Variants in SLC2A9 observed in about 807,000 individuals in gnomAD.
SLC2A9 encodes the protein solute carrier family 2 member 9, also known as solute carrier family 2, facilitated glucose transporter member 9.
SLC2A9 carries 39 observed loss-of-function variants against 50.6 expected under a neutral mutation model. That is an observed-to-expected ratio of 0.77 (90% CI 0.60 to 1.01). The LOEUF is 1.01. Among genes scored for constraint, SLC2A9 ranks in the 50% least tolerant of loss-of-function variants. The pLI is 0.00. For synonymous variants in SLC2A9, 324 were observed against 276.9 expected (o/e 1.17, Z -1.69); for missense variants, 686 against 677.6 (o/e 1.01, Z -0.14).
At chr4:10,017,062 T>G (rs1762727257) in intron 2 of SLC2A9, among the ~76,000 whole-genome samples, 1 of 152,182 alleles carries the variant, frequency 6.6e-6, no homozygotes, top group African/African-American at 2.4e-5. Flanking sequence ...TTGACACCTG[T>G]GGAAATTCTA....
intron 3 of SLC2A9, among the ~76,000 whole-genome samples, chr4:9,816,497 C>T (rs925023502): frequency 6.6e-6 from 1 of 151,956 alleles, no homozygotes; most frequent in Admixed American, 6.5e-5. Flanking sequence ...GTACTGTATA[C>T]CTGAAATTTG....
At chr4:9,826,038 T>C (rs979679887), downstream of SLC2A9, among the ~76,000 whole-genome samples, 5 of 152,176 alleles carry the variant, frequency 3.3e-5, no homozygotes, top group Non-Finnish European at 4.4e-5. Context: ...TTGATTTTTC[T>C]TTGATAAAGC....
chr4:9,999,668 G>A (rs1420886124), intron 2 of SLC2A9, among the ~76,000 whole-genome samples: 2 of 152,150 alleles, frequency 1.3e-5, no homozygotes, highest in African/African-American at 4.8e-5. Flanking sequence ...GGCCTGATAG[G>A]TCATGGAAGT....
upstream of SLC2A9, among the ~76,000 whole-genome samples, chr4:10,022,268 T>G (rs1304726369): frequency 6.6e-6 from 1 of 152,210 alleles, no homozygotes; most frequent in Non-Finnish European, 1.5e-5. Flanking sequence ...GAAGCTCAAA[T>G]AGAAAACAGC....
intron 10 of SLC2A9, among the ~76,000 whole-genome samples, chr4:9,848,547 C>T (rs1729354090): frequency 6.6e-6 from 1 of 152,022 alleles, no homozygotes; most frequent in African/African-American, 2.4e-5. Context: ...TTGTGCTCCT[C>T]GAGGGCAGGC....
chr4:9,802,268 C>CTT (rs35424269), intron 3 of SLC2A9, among the ~76,000 whole-genome samples: 87 of 147,022 alleles, frequency 5.9e-4, no homozygotes, highest in Middle Eastern at 3.4e-3. Flanking sequence ...GAAAAATGCT[C>CTT]TTTTTTTTTT....
rs554664389 is a variant in SLC2A9, at chr4:9,898,576, C to T, written c.1114-7865G>A. Among the ~76,000 whole-genome samples the T allele has an allele frequency of 6.4e-4, 98 of 152,374 alleles. 3 individuals carry two copies. The South Asian group carries it at 0.02, about 31-fold the overall frequency. On this transcript the variant is annotated intron_variant, in intron 8 of 11. Transcript: ENST00000264784. ...GGGACTACAGCGTCCTACATGAGTT[C>T]TTCCCTGTGCCAGGGTGAGCCTTTT... is the stretch of plus-strand genomic sequence containing the variant.
intron 2 of SLC2A9, among the ~76,000 whole-genome samples, chr4:10,013,355 C>T (rs2109458590): frequency 6.6e-6 from 1 of 152,318 alleles, no homozygotes; most frequent in East Asian, 1.9e-4. Context: ...GTGTTCTCTT[C>T]CAAATGAGGC....
At chr4:9,874,476 G>T (rs560804282) in intron 10 of SLC2A9, among the ~76,000 whole-genome samples, 1 of 152,174 alleles carries the variant, frequency 6.6e-6, no homozygotes. Context: ...CCCACAAAGT[G>T]GAGCACCATG....
chr4:9,809,241 G>T (rs1722531881), intron 3 of SLC2A9, among the ~76,000 whole-genome samples: 1 of 152,182 alleles, frequency 6.6e-6, no homozygotes, highest in African/African-American at 2.4e-5. Flanking sequence ...AAGTTTCCTG[G>T]TGGGAGCAGA....
intron 3 of SLC2A9, among the ~76,000 whole-genome samples, chr4:9,805,989 G>A (rs1057452426): frequency 6.6e-6 from 1 of 152,158 alleles, no homozygotes; most frequent in Admixed American, 6.5e-5. Flanking sequence ...GTGGAGCCTG[G>A]ACTTGAACCT....
At chr4:10,025,890 A>T (rs1208944586), upstream of SLC2A9, 1 of 1,613,658 alleles carries the variant, frequency 6.2e-7, no homozygotes, top group East Asian at 2.2e-5. Flanking sequence ...AGACAGAAAA[A>T]AAAAAGGACT....
At chr4:9,816,840 C>T (rs563401562) in intron 3 of SLC2A9, among the ~76,000 whole-genome samples, 24 of 104,480 alleles carry the variant, frequency 2.3e-4, no homozygotes, top group East Asian at 2.2e-3. Context: ...AACGATGACA[C>T]GCACATACAC....
chr4:9,906,147 C>T (rs1740621993), intron 8 of SLC2A9, among the ~76,000 whole-genome samples: 1 of 152,208 alleles, frequency 6.6e-6, no homozygotes, highest in African/African-American at 2.4e-5. Context: ...CAGCCCATCC[C>T]TATGAAGCAG....
chr4:9,847,634 C>G (rs1729195474), intron 10 of SLC2A9, among the ~76,000 whole-genome samples: 1 of 152,258 alleles, frequency 6.6e-6, no homozygotes, highest in Non-Finnish European at 1.5e-5. Context: ...GCTGATTCAA[C>G]TTCTGCCTTC....
At chr4:10,026,346 A>T (rs764616155), upstream of SLC2A9, among the ~76,000 whole-genome samples, 39 of 151,840 alleles carry the variant, frequency 2.6e-4, no homozygotes, top group African/African-American at 6.8e-4. Context: ...TTTTTTTTTT[A>T]AAAATCAACT....
chr4:9,833,838 G>T (rs575717050), intron 11 of SLC2A9, among the ~76,000 whole-genome samples: 1 of 152,190 alleles, frequency 6.6e-6, no homozygotes, highest in Non-Finnish European at 1.5e-5. Context: ...ACCTCCTCCA[G>T]GTGGTACCAC....
intron 8 of SLC2A9, among the ~76,000 whole-genome samples, chr4:9,900,343 G>T (rs1739371858): frequency 6.6e-6 from 1 of 152,172 alleles, no homozygotes; most frequent in East Asian, 1.9e-4. Context: ...GGAAAATTTG[G>T]TGGGAAGTAA....
downstream of SLC2A9, among the ~76,000 whole-genome samples, chr4:9,825,345 T>G (rs964726887): frequency 6.6e-6 from 1 of 152,192 alleles, no homozygotes; most frequent in Non-Finnish European, 1.5e-5. Context: ...CAGATTTTCT[T>G]AGCAACAGTC....
Sources: allele counts gnomAD v4.1 joint callset (sites outside exome capture counted in the v4.1 genomes callset), GRCh38; gene constraint gnomAD v4.1.1; transcripts MANE v1.5; gene names NCBI Gene and HGNC (gene_info 2026-07-23, HGNC 2026-07-21).